Variants in ABTB3 observed in about 807,000 individuals in gnomAD.
ABTB3 encodes ankyrin repeat- and BTB/POZ domain-containing protein 3.
the ABTB3 span, among the ~76,000 whole-genome samples, chr12:107,530,605 A>G: frequency 6.6e-6 from 1 of 152,078 alleles, no homozygotes; most frequent in Non-Finnish European, 1.5e-5. Context: ...TGCAATTTTG[A>G]ATTTTGCTCT....
At chr12:107,505,951 T>G in the ABTB3 span, among the ~76,000 whole-genome samples, 1 of 152,210 alleles carries the variant, frequency 6.6e-6, no homozygotes, top group African/African-American at 2.4e-5. Context: ...GCATTTAGGT[T>G]GATTCCATGT....
chr12:107,448,372 T>C, the ABTB3 span, among the ~76,000 whole-genome samples: 1 of 152,208 alleles, frequency 6.6e-6, no homozygotes, highest in South Asian at 2.1e-4. Flanking sequence ...AGCCTTTGTC[T>C]TTGACCACTA....
chr12:107,536,916 A>G, the ABTB3 span, among the ~76,000 whole-genome samples: 1 of 152,202 alleles, frequency 6.6e-6, no homozygotes, highest in Non-Finnish European at 1.5e-5. Context: ...TATCCAAGAC[A>G]TGTCTGCACC....
At chr12:107,655,405 G>T in the ABTB3 span, among the ~76,000 whole-genome samples, 1 of 152,140 alleles carries the variant, frequency 6.6e-6, no homozygotes, top group Admixed American at 6.5e-5. Context: ...CACTTGGAGG[G>T]CAGGGCAAAG....
chr12:107,335,616 G>A, the ABTB3 span, among the ~76,000 whole-genome samples: 6 of 152,156 alleles, frequency 3.9e-5, no homozygotes, highest in African/African-American at 1.4e-4. Flanking sequence ...AAGAGCACTA[G>A]CCTGGGTAAT....
chr12:107,379,405 A>G, the ABTB3 span, among the ~76,000 whole-genome samples: 1 of 152,240 alleles, frequency 6.6e-6, no homozygotes, highest in African/African-American at 2.4e-5. Context: ...GTGATAGAGA[A>G]GAAGTCTCAC....
the ABTB3 span, among the ~76,000 whole-genome samples, chr12:107,351,740 G>A: frequency 2.0e-5 from 3 of 152,120 alleles, no homozygotes; most frequent in Admixed American, 6.5e-5. Context: ...CAAGAACAAT[G>A]AGCCAAATAA....
chr12:107,535,369 C>A, the ABTB3 span, among the ~76,000 whole-genome samples: 5 of 152,242 alleles, frequency 3.3e-5, no homozygotes, highest in African/African-American at 9.6e-5. Context: ...AGAAATGGAA[C>A]AAGGATGCCC....
the ABTB3 span, among the ~76,000 whole-genome samples, chr12:107,465,673 A>G: frequency 3.9e-5 from 6 of 152,222 alleles, no homozygotes; most frequent in Non-Finnish European, 7.4e-5. Flanking sequence ...GCTGCCCTTC[A>G]TCACTAGGCC....
chr12:107,656,453 C>T, the ABTB3 span, among the ~76,000 whole-genome samples: 1 of 152,150 alleles, frequency 6.6e-6, no homozygotes, highest in Admixed American at 6.5e-5. Flanking sequence ...GCAAAAGGAG[C>T]CAGAGAATAT....
the ABTB3 span, among the ~76,000 whole-genome samples, chr12:107,595,187 C>G: frequency 6.6e-5 from 10 of 152,206 alleles, no homozygotes; most frequent in African/African-American, 2.4e-4. Context: ...AATTAGTCAG[C>G]GCTTCTGGTG....
the ABTB3 span, among the ~76,000 whole-genome samples, chr12:107,627,439 C>G: frequency 6.6e-6 from 1 of 152,282 alleles, no homozygotes; most frequent in South Asian, 2.1e-4. Context: ...ATTTTTATTC[C>G]TATGTTAGCG....
At chr12:107,614,911 C>A in the ABTB3 span, 5 of 627,844 alleles carry the variant, frequency 8.0e-6, no homozygotes, top group South Asian at 7.5e-5. Context: ...TGGAAAATCC[C>A]TGCCCTGTAT....
chr12:107,517,798 A>G, the ABTB3 span, among the ~76,000 whole-genome samples: 2 of 152,358 alleles, frequency 1.3e-5, no homozygotes, highest in African/African-American at 4.8e-5. Context: ...TCTGCACAGC[A>G]AAAGAAACTA....
chr12:107,603,602 T>G, the ABTB3 span, among the ~76,000 whole-genome samples: 3 of 152,106 alleles, frequency 2.0e-5, no homozygotes, highest in Non-Finnish European at 1.5e-5. Context: ...GTAAAACCAC[T>G]AGAAAACACA....
the ABTB3 span, among the ~76,000 whole-genome samples, chr12:107,382,340 AG>A: frequency 6.6e-6 from 1 of 152,136 alleles, no homozygotes; most frequent in Non-Finnish European, 1.5e-5. Flanking sequence ...TGTCAAGGGA[AG>A]GGGTTTGGGT....
the ABTB3 span, among the ~76,000 whole-genome samples, chr12:107,518,418 C>A: frequency 1.3e-5 from 2 of 152,106 alleles, no homozygotes; most frequent in Admixed American, 1.3e-4. Context: ...ATACACTATG[C>A]AGCCATAAAA....
At chr12:107,457,925 C>T in the ABTB3 span, among the ~76,000 whole-genome samples, 2 of 152,204 alleles carry the variant, frequency 1.3e-5, no homozygotes, top group Admixed American at 1.3e-4. Context: ...CGTGTGACCT[C>T]GGGTAGCTTG....
chr12:107,400,874 T>C, the ABTB3 span, among the ~76,000 whole-genome samples: 1 of 152,108 alleles, frequency 6.6e-6, no homozygotes, highest in African/African-American at 2.4e-5. Context: ...GGCAGTGAAT[T>C]GATTACTTCC....
Sources: gnomAD v4.1 joint callset for allele counts (sites outside exome capture counted in the v4.1 genomes callset) on GRCh38, gnomAD v4.1.1 for gene constraint, MANE v1.5 for transcripts, NCBI Gene and HGNC (gene_info 2026-07-23, HGNC 2026-07-21) for gene names.